CRY1: variants seen among roughly 807,000 people sequenced by gnomAD.
The protein encoded by CRY1 is cryptochrome circadian regulator 1, also known as cryptochrome-1.
In CRY1, 45 loss-of-function variants were observed where a neutral mutation model predicts 76.0. The ratio of observed to expected loss-of-function variants is 0.59; its 90% CI spans 0.47 to 0.76. CRY1 has a LOEUF of 0.76. CRY1 is among the 30% of genes least tolerant of loss of function. The pLI, the probability that CRY1 is intolerant of heterozygous loss-of-function variation, is 0.00. For synonymous variants in CRY1, 248 were observed against 244.0 expected (o/e 1.02, Z -0.15); for missense variants, 587 against 716.4 (o/e 0.82, Z 2.06).
intron 1 of CRY1, among the ~76,000 whole-genome samples, chr12:107,045,860 A>C (rs1952842825): frequency 6.6e-6 from 1 of 152,102 alleles, no homozygotes; most frequent in Non-Finnish European, 1.5e-5. Context: ...ACCTAATGTA[A>C]ATGATAAGTT....
At chr12:107,073,336 T>C (rs1953214863) in intron 1 of CRY1, among the ~76,000 whole-genome samples, 1 of 152,062 alleles carries the variant, frequency 6.6e-6, no homozygotes, top group South Asian at 2.1e-4. Flanking sequence ...CTGGTTCAAC[T>C]GATCCTCTTG....
chr12:107,032,393 C>T (rs1952686874), intron 1 of CRY1, among the ~76,000 whole-genome samples: 1 of 151,956 alleles, frequency 6.6e-6, no homozygotes, highest in African/African-American at 2.4e-5. Context: ...AAAAATCCTC[C>T]GAGAATGAAT....
At chr12:107,020,792 A>C (rs913338789) in intron 2 of CRY1, among the ~76,000 whole-genome samples, 5 of 152,112 alleles carry the variant, frequency 3.3e-5, no homozygotes, top group African/African-American at 9.7e-5. Flanking sequence ...TACAGTAATA[A>C]ATAGGAAGGG....
At chr12:107,008,143 G>A (rs1029834133) in intron 2 of CRY1, among the ~76,000 whole-genome samples, 2 of 152,128 alleles carry the variant, frequency 1.3e-5, no homozygotes, top group Non-Finnish European at 2.9e-5. Context: ...AGAATATAAC[G>A]TGTGCTCTCT....
At chr12:107,082,308 G>T (rs1953336687) in intron 1 of CRY1, among the ~76,000 whole-genome samples, 1 of 152,016 alleles carries the variant, frequency 6.6e-6, no homozygotes, top group African/African-American at 2.4e-5. Flanking sequence ...AATTAAGAAG[G>T]ATATTCAGGA....
At position 107,051,905 on chromosome 12, in the gene CRY1, A is replaced by T. The variant is rs572486440; in HGVS notation, c.159-29713T>A. Among the ~76,000 whole-genome samples the T allele has an allele frequency of 2.0e-5, 3 of 151,952 alleles. No homozygotes were observed. In the East Asian group the frequency reaches 5.8e-4, roughly 29 times the overall value. On this transcript the variant is annotated intron_variant, in intron 1 of 12. Coordinates refer to ENST00000008527, the MANE Select transcript of CRY1 (RefSeq NM_004075.5). Reference sequence around the variant, plus strand: ...AACATCTACTTGGGGACTTTAGGAGACTTATATAAAATTAAATAAAATCTG... The same window carrying T: ...AACATCTACTTGGGGACTTTAGGAGTCTTATATAAAATTAAATAAAATCTG...
At chr12:106,994,046 A>G (rs1952207589) in intron 10 of CRY1, among the ~76,000 whole-genome samples, 1 of 146,124 alleles carries the variant, frequency 6.8e-6, no homozygotes, top group African/African-American at 2.5e-5. Context: ...CACAGTCATT[A>G]AAAAAACAAA....
chr12:107,031,460 G>A (rs1404499523), intron 1 of CRY1, among the ~76,000 whole-genome samples: 1 of 148,668 alleles, frequency 6.7e-6, no homozygotes, highest in Non-Finnish European at 1.5e-5. Flanking sequence ...AAACTTATCT[G>A]TCTCTAGCCA....
chr12:107,046,724 A>G (rs1231867959), intron 1 of CRY1, among the ~76,000 whole-genome samples: 2 of 152,232 alleles, frequency 1.3e-5, no homozygotes, highest in East Asian at 3.8e-4. Flanking sequence ...AACCAAAAGC[A>G]AAAAGGAATA....
chr12:106,996,233 T>G (rs1445456474), intron 10 of CRY1, among the ~76,000 whole-genome samples: 1 of 152,244 alleles, frequency 6.6e-6, no homozygotes, highest in Non-Finnish European at 1.5e-5. Context: ...TTTGGTTTTC[T>G]GTTCCTGCCT....
At chr12:106,996,080 A>C (rs1046100815) in intron 10 of CRY1, among the ~76,000 whole-genome samples, 1 of 152,156 alleles carries the variant, frequency 6.6e-6, no homozygotes, top group Admixed American at 6.5e-5. Flanking sequence ...TCCCAACCTC[A>C]GGTGATCCAC....
chr12:107,056,670 C>A (rs1250019527), intron 1 of CRY1, among the ~76,000 whole-genome samples: 3 of 151,938 alleles, frequency 2.0e-5, no homozygotes, highest in Non-Finnish European at 4.4e-5. Context: ...CCCAGGGAAG[C>A]CAAAAGATTG....
intron 10 of CRY1, 63 bp from the exon 11 acceptor site, chr12:106,993,099 A>T: frequency 6.5e-7 from 1 of 1,532,910 alleles, no homozygotes; most frequent in Non-Finnish European, 9.0e-7. Flanking sequence ...TGTATTATTA[A>T]GTCTACAAAT....
chr12:107,079,388 G>T (rs1565846107), intron 1 of CRY1, among the ~76,000 whole-genome samples: 1 of 151,808 alleles, frequency 6.6e-6, no homozygotes, highest in Non-Finnish European at 1.5e-5. Flanking sequence ...CAGAATAAGT[G>T]AAGTTCAGAG....
At chr12:107,044,902 C>G (rs1193208905) in intron 1 of CRY1, among the ~76,000 whole-genome samples, 1 of 152,052 alleles carries the variant, frequency 6.6e-6, no homozygotes, top group Non-Finnish European at 1.5e-5. Flanking sequence ...GCAAACAAAA[C>G]TTTCTATTAT....
intron 1 of CRY1, among the ~76,000 whole-genome samples, chr12:107,039,140 A>G (rs529640949): frequency 6.6e-6 from 1 of 152,302 alleles, no homozygotes; most frequent in Admixed American, 6.5e-5. Flanking sequence ...AAAATAAAAT[A>G]AATAAAATAA....
intron 1 of CRY1, among the ~76,000 whole-genome samples, chr12:107,085,662 G>A (rs1366341955): frequency 6.6e-6 from 1 of 152,088 alleles, no homozygotes; most frequent in Non-Finnish European, 1.5e-5. Context: ...GCCTGCCAGG[G>A]GTTGAGGGGC....
chr12:107,084,839 A>G (rs1376627037), intron 1 of CRY1, among the ~76,000 whole-genome samples: 1 of 152,180 alleles, frequency 6.6e-6, no homozygotes, highest in African/African-American at 2.4e-5. Flanking sequence ...AATTAAACTA[A>G]AGAGTTTCTG....
chr12:107,029,769 T>TTAAAACCTAAAAAAG (rs1369747388), intron 1 of CRY1, among the ~76,000 whole-genome samples: 8 of 152,106 alleles, frequency 5.3e-5, no homozygotes, highest in African/African-American at 1.9e-4. Context: ...CTCACAGAGC[T>TTAAAACCTAAAAAAG]TAAAACCTAA....
Sources: allele counts gnomAD v4.1 joint callset (sites outside exome capture counted in the v4.1 genomes callset), GRCh38; gene constraint gnomAD v4.1.1; transcripts MANE v1.5; gene names NCBI Gene and HGNC (gene_info 2026-07-23, HGNC 2026-07-21).